GPM6B: variants seen among roughly 807,000 people sequenced by gnomAD.
GPM6B encodes glycoprotein M6B.
A neutral mutation model predicts 27.2 loss-of-function variants in GPM6B; 4 were observed. The ratio of observed to expected loss-of-function variants is 0.15; its 90% CI spans 0.07 to 0.34. The LOEUF (loss-of-function observed/expected upper bound fraction) is 0.34. Among genes scored for constraint, GPM6B ranks in the 10% least tolerant of loss-of-function variants. The pLI is 1.00. For synonymous variants in GPM6B, 124 were observed against 103.1 expected (o/e 1.20, Z -1.23); for missense variants, 183 against 261.9 (o/e 0.70, Z 2.08).
chrX:13,866,983 T>C (rs1451534761), intron 1 of GPM6B, among the ~76,000 whole-genome samples: 1 of 112,290 alleles, frequency 8.9e-6, no homozygotes, highest in Non-Finnish European at 1.9e-5. Context: ...TTGAAGAATA[T>C]TCTGCAAGCA....
rs1468555351 is a variant in GPM6B, at chrX:13,812,044, CTTTCTTT to C, written c.62-4282_62-4276del. On this transcript the variant is annotated intron_variant, in intron 1 of 7. Coordinates refer to ENST00000316715, the MANE Select transcript of GPM6B (RefSeq NM_001001995.3). The stretch of plus-strand genomic sequence containing the variant: ...TTTCAAAGGAGAACACTTTTCTTTT[CTTTCTTT>C]TTTTTTTTTTTTTTTTGAGACAGAG... Among the ~76,000 whole-genome samples, 22 of 82,653 alleles carry C rather than the reference CTTTCTTT, an allele frequency of 2.7e-4. No individual in the cohort carries two copies. The Admixed American group carries it at 3.0e-3, about 11-fold the overall frequency. The allele number at this position is 82,653 out of a possible 115,157, so 71.8% of individuals were successfully genotyped here.
At chrX:13,870,589 G>A (rs964962350) in intron 1 of GPM6B, among the ~76,000 whole-genome samples, 2 of 112,123 alleles carry the variant, frequency 1.8e-5, no homozygotes, top group Admixed American at 9.5e-5. Flanking sequence ...GGTATGGACT[G>A]AGGGTTATAT....
chrX:13,910,643 G>A (rs1321183098), intron 1 of GPM6B, among the ~76,000 whole-genome samples: 3 of 113,081 alleles, frequency 2.7e-5, no homozygotes, highest in Non-Finnish European at 5.6e-5. Flanking sequence ...AGTGAAGGGA[G>A]AGTCTGCTCT....
At chrX:13,932,828 C>T (rs1047647593) in intron 1 of GPM6B, among the ~76,000 whole-genome samples, 6 of 111,133 alleles carry the variant, frequency 5.4e-5, no homozygotes, top group African/African-American at 2.0e-4. Flanking sequence ...GTACTTTTCA[C>T]CAGAGAAAGA....
intron 1 of GPM6B, among the ~76,000 whole-genome samples, chrX:13,860,202 T>C (rs1378367894): frequency 1.8e-5 from 2 of 112,356 alleles, no homozygotes; most frequent in African/African-American, 6.5e-5. Context: ...CACTACAATT[T>C]TTATTCATCA....
At chrX:13,935,356 A>AAAAC (rs1420281161) in intron 1 of GPM6B, among the ~76,000 whole-genome samples, 6 of 104,413 alleles carry the variant, frequency 5.7e-5, no homozygotes, top group African/African-American at 1.8e-4. Flanking sequence ...AAAAAAAAAA[A>AAAAC]ACTGTAAAGC....
intron 1 of GPM6B, among the ~76,000 whole-genome samples, chrX:13,855,584 A>G (rs921354942): frequency 5.3e-5 from 6 of 112,172 alleles, no homozygotes; most frequent in Non-Finnish European, 9.4e-5. Context: ...AGAGTTCAGC[A>G]TTTTCATTTT....
intron 1 of GPM6B, among the ~76,000 whole-genome samples, chrX:13,824,436 T>G (rs1267521236): frequency 4.5e-5 from 5 of 111,941 alleles, no homozygotes; most frequent in Non-Finnish European, 9.4e-5. Flanking sequence ...GGTTGTGTGG[T>G]GGGCATGAGA....
intron 1 of GPM6B, among the ~76,000 whole-genome samples, chrX:13,849,584 C>T (rs2049690404): frequency 8.9e-6 from 1 of 112,186 alleles, no homozygotes. Flanking sequence ...AATGTTAAGA[C>T]AATAAAACTA....
At chrX:13,860,594 C>T (rs1445903191) in intron 1 of GPM6B, among the ~76,000 whole-genome samples, 1 of 110,835 alleles carries the variant, frequency 9.0e-6, no homozygotes, top group Non-Finnish European at 1.9e-5. Context: ...TTTTTCCCAC[C>T]TGAATATGAG....
At chrX:13,869,364 T>G (rs2049951990) in intron 1 of GPM6B, among the ~76,000 whole-genome samples, 1 of 110,945 alleles carries the variant, frequency 9.0e-6, no homozygotes, top group Non-Finnish European at 1.9e-5. Context: ...AGGTTGTTTT[T>G]TTTTTTTTTA....
chrX:13,909,554 C>T lies in GPM6B; in HGVS notation c.-198+28773G>A, dbSNP rs17264434. On this transcript the variant is annotated intron_variant, in intron 1 of 6. Coordinates refer to the GPM6B transcript ENST00000398361. ...GACAGGCTTATTACAAGGATGATGA[C>T]GAAGATCAACATGATGCTAATCATG... Among the ~76,000 whole-genome samples, 63 of 111,575 alleles carry T rather than the reference C, an allele frequency of 5.6e-4. No homozygotes were observed. The South Asian group carries it at 9.2e-3, about 16-fold the overall frequency.
At chrX:13,833,524 G>A (rs1164510123) in intron 1 of GPM6B, among the ~76,000 whole-genome samples, 1 of 94,233 alleles carries the variant, frequency 1.1e-5, no homozygotes, top group Non-Finnish European at 2.0e-5. Flanking sequence ...AGCCCAGCCT[G>A]GGCAACAGAG....
rs761213785 is a variant in GPM6B, at chrX:13,807,708, GTTCT to G, written c.119_122del (p.Lys40ThrfsTer17). ...GGGTTGGCACGGGATGGTACTGGTG[GTTCT>G]TTGAGCCTGGGTACATCCAGTGGTA... On this transcript the variant is annotated frameshift_variant, in exon 2 of 8. Coordinates refer to ENST00000316715, the MANE Select transcript of GPM6B (RefSeq NM_001001995.3). LOFTEE classifies it high-confidence loss of function. The G allele has an allele frequency of 4.1e-6, 5 of 1,206,057 alleles. No individual in the cohort carries two copies. Among genetic ancestry groups the G allele is most frequent in the Non-Finnish European group, 5.6e-6 (5 of 890,669 alleles).
At chrX:13,927,281 C>G (rs1361910402) in intron 1 of GPM6B, among the ~76,000 whole-genome samples, 1 of 112,420 alleles carries the variant, frequency 8.9e-6, no homozygotes, top group Non-Finnish European at 1.9e-5. Flanking sequence ...TCATTCACTC[C>G]TGGTGAGAGT....
chrX:13,772,734 A>C lies in GPM6B; in HGVS notation c.*147T>G. 1 of 441,565 alleles carries C rather than the reference A, an allele frequency of 2.3e-6. No homozygotes were observed. The highest frequency in any genetic ancestry group is 3.6e-6 in the Non-Finnish European group (1 of 274,489). 36.4% of individuals were successfully genotyped at this position (441,565 alleles called of 1,213,427 possible). ...GATTTACCCACTGGAAGGTTTTCCT[A>C]GAGATACATCCCAGCAGCTTGAGAC... On this transcript the variant is annotated 3_prime_UTR_variant, in exon 8 of 8. Coordinates refer to ENST00000316715, the MANE Select transcript of GPM6B (RefSeq NM_001001995.3).
At chrX:13,905,608 AAGG>A (rs2050323528) in intron 1 of GPM6B, among the ~76,000 whole-genome samples, 2 of 111,415 alleles carry the variant, frequency 1.8e-5, no homozygotes, top group Admixed American at 9.6e-5. Flanking sequence ...CGCCTCCAAG[AAGG>A]AGTTTTCTAG....
chrX:13,823,519 GGTT>G (rs1415806968), intron 1 of GPM6B, among the ~76,000 whole-genome samples: 6 of 82,169 alleles, frequency 7.3e-5, no homozygotes, highest in African/African-American at 2.6e-4. Flanking sequence ...CACTGAACCT[GGTT>G]TTTTTTTTTT....
At chrX:13,872,508 T>A (rs2049989848) in intron 1 of GPM6B, among the ~76,000 whole-genome samples, 1 of 110,312 alleles carries the variant, frequency 9.1e-6, no homozygotes, top group Non-Finnish European at 1.9e-5. Context: ...GCACTGCCAA[T>A]AATGATTCCA....
Sources: allele counts gnomAD v4.1 joint callset (sites outside exome capture counted in the v4.1 genomes callset), GRCh38; gene constraint gnomAD v4.1.1; transcripts MANE v1.5; gene names NCBI Gene and HGNC (gene_info 2026-07-23, HGNC 2026-07-21).